Variants in KCNIP1 observed in about 807,000 individuals in gnomAD.
KCNIP1 encodes A-type potassium channel modulatory protein KCNIP1.
In KCNIP1, 18 loss-of-function variants were observed where a neutral mutation model predicts 33.0. The ratio of observed to expected loss-of-function variants is 0.55; its 90% CI spans 0.38 to 0.81. KCNIP1 has a LOEUF of 0.81. KCNIP1 is among the 30% of genes least tolerant of loss of function. The pLI, the probability that KCNIP1 is intolerant of heterozygous loss-of-function variation, is 0.00. For missense variants in KCNIP1, 238 were observed against 271.6 expected, an observed-to-expected ratio of 0.88 and a Z score of 0.87; for synonymous variants, 93 against 98.3, an observed-to-expected ratio of 0.95 and a Z score of 0.32.
intron 1 of KCNIP1, among the ~76,000 whole-genome samples, chr5:170,399,664 A>G (rs34133192): frequency 0.25 from 38,636 of 152,156 alleles, 5,104 homozygotes; most frequent in Admixed American, 0.29. Flanking sequence ...TACAATTTAA[A>G]ATGTGTTCTT....
At chr5:170,368,885 T>C (rs1419400519) in intron 1 of KCNIP1, among the ~76,000 whole-genome samples, 1 of 152,186 alleles carries the variant, frequency 6.6e-6, no homozygotes, top group African/African-American at 2.4e-5. Flanking sequence ...CCCACATGTT[T>C]CCAAACCAGC....
In KCNIP1 at chr5:170,659,476, AAAG is replaced by A. The variant is rs146351112; in HGVS notation, c.62-59276_62-59274del. Among the ~76,000 whole-genome samples the A allele has an allele frequency of 8.1e-3, 1,232 of 152,334 alleles. 10 individuals are homozygous for A. Among genetic ancestry groups the A allele is most frequent in the African/African-American group, 0.028 (1,173 of 41,568 alleles). ...AAATTTGGGGAAAAAAGCAAACTAG[AAAG>A]AAGAAAAACCACATTGCCTGAATTC... On this transcript the variant is annotated intron_variant, in intron 1 of 7. Transcript: ENST00000328939.
chr5:170,390,517 A>AAAAAAAAAAAAAAATACATATATAT, intron 1 of KCNIP1, among the ~76,000 whole-genome samples: 1 of 74,546 alleles, frequency 1.3e-5, no homozygotes, highest in Non-Finnish European at 2.5e-5. Flanking sequence ...AAAAAAAACA[A>AAAAAAAAAAAAAAATACATATATAT]ATATATATAT....
intron 1 of KCNIP1, among the ~76,000 whole-genome samples, chr5:170,648,462 G>C (rs1419628452): frequency 6.6e-6 from 1 of 152,140 alleles, no homozygotes; most frequent in Non-Finnish European, 1.5e-5. Context: ...AAAGAAATGA[G>C]CTATCAAGCC....
chr5:170,669,577 T>C, intron 1 of KCNIP1: 18 of 985,322 alleles, frequency 1.8e-5, no homozygotes, highest in Non-Finnish European at 2.2e-5. Context: ...CAGCAGGGGA[T>C]GGAGTGAGTG....
chr5:170,469,119 G>A (rs1012834906), intron 1 of KCNIP1, among the ~76,000 whole-genome samples: 13 of 152,172 alleles, frequency 8.5e-5, no homozygotes, highest in African/African-American at 2.9e-4. Context: ...ACTTGAGCCG[G>A]GTGTGGTGGT....
chr5:170,355,951 C>T (rs555048113), intron 1 of KCNIP1, among the ~76,000 whole-genome samples: 1 of 152,360 alleles, frequency 6.6e-6, no homozygotes, highest in South Asian at 2.1e-4. Context: ...GCAGAGAGGA[C>T]CAAGTGTTTA....
chr5:170,531,887 T>C (rs1337417743), intron 1 of KCNIP1, among the ~76,000 whole-genome samples: 2 of 150,492 alleles, frequency 1.3e-5, no homozygotes, highest in African/African-American at 4.9e-5. Flanking sequence ...AGAATCCAGC[T>C]ACAAACATCC....
chr5:170,557,934 TG>T (rs1024047060), intron 1 of KCNIP1, among the ~76,000 whole-genome samples: 4 of 152,234 alleles, frequency 2.6e-5, no homozygotes, highest in Non-Finnish European at 4.4e-5. Context: ...GGCGCATTGC[TG>T]GGCCTTAAAT....
chr5:170,565,424 A>G (rs1304777054), intron 1 of KCNIP1, among the ~76,000 whole-genome samples: 1 of 152,214 alleles, frequency 6.6e-6, no homozygotes, highest in African/African-American at 2.4e-5. Context: ...GCTCAGGGAC[A>G]GATTTTATTT....
intron 1 of KCNIP1, among the ~76,000 whole-genome samples, chr5:170,475,359 T>C (rs1021467476): frequency 2.0e-5 from 3 of 152,244 alleles, no homozygotes; most frequent in African/African-American, 7.2e-5. Flanking sequence ...GTGCCAGGCA[T>C]GGCCTAAGTG....
chr5:170,462,264 C>CAAA (rs760686464), intron 1 of KCNIP1, among the ~76,000 whole-genome samples: 102 of 51,924 alleles, frequency 2.0e-3, no homozygotes, highest in Middle Eastern at 0.015. Flanking sequence ...AACAAATTAG[C>CAAA]AAAAAAAAAA....
chr5:170,440,124 G>A (rs1305608117), intron 1 of KCNIP1, among the ~76,000 whole-genome samples: 1 of 152,176 alleles, frequency 6.6e-6, no homozygotes, highest in Non-Finnish European at 1.5e-5. Context: ...CACACACAAA[G>A]GTAAGACCAC....
At chr5:170,558,924 A>T (rs140888455) in intron 1 of KCNIP1, among the ~76,000 whole-genome samples, 1 of 152,214 alleles carries the variant, frequency 6.6e-6, no homozygotes, top group African/African-American at 2.4e-5. Flanking sequence ...ACAAGTCCCT[A>T]TCACCTCCCA....
chr5:170,357,199 C>T (rs1763371826), intron 1 of KCNIP1, among the ~76,000 whole-genome samples: 1 of 152,164 alleles, frequency 6.6e-6, no homozygotes, highest in Non-Finnish European at 1.5e-5. Flanking sequence ...ACTGAGACAT[C>T]CCCGGACCCT....
intron 1 of KCNIP1, among the ~76,000 whole-genome samples, chr5:170,577,980 A>G (rs1011281501): frequency 6.6e-6 from 1 of 152,256 alleles, no homozygotes; most frequent in African/African-American, 2.4e-5. Context: ...GTGTCAATGA[A>G]CAACTTTGAA....
chr5:170,646,953 A>G (rs2113712062), intron 1 of KCNIP1, among the ~76,000 whole-genome samples: 1 of 152,308 alleles, frequency 6.6e-6, no homozygotes, highest in African/African-American at 2.4e-5. Flanking sequence ...CCAGCAATGA[A>G]CAAGTAGAAT....
At chr5:170,508,417 G>A (rs537080494) in intron 1 of KCNIP1, among the ~76,000 whole-genome samples, 1 of 152,332 alleles carries the variant, frequency 6.6e-6, no homozygotes, top group East Asian at 1.9e-4. Context: ...ACTTATGGAA[G>A]CAGAGTGTAC....
At chr5:170,615,663 CAG>C (rs1409532677) in intron 1 of KCNIP1, among the ~76,000 whole-genome samples, 10 of 152,316 alleles carry the variant, frequency 6.6e-5, no homozygotes, top group Middle Eastern at 3.4e-3. Flanking sequence ...GCCATGGTAA[CAG>C]AGGATTACAG....
Sources: gnomAD v4.1 joint callset for allele counts (sites outside exome capture counted in the v4.1 genomes callset) on GRCh38, gnomAD v4.1.1 for gene constraint, MANE v1.5 for transcripts, NCBI Gene and HGNC (gene_info 2026-07-23, HGNC 2026-07-21) for gene names.